SATB2: variants seen among roughly 807,000 people sequenced by gnomAD.
The protein encoded by SATB2 is SATB homeobox 2.
SATB2 carries 1 observed loss-of-function variant against 73.4 expected under a neutral mutation model. The ratio of observed to expected loss-of-function variants is 0.01; its 90% CI spans 0.00 to 0.06. SATB2 has a LOEUF of 0.06. Among genes scored for constraint, SATB2 ranks in the 10% least tolerant of loss-of-function variants. SATB2 has a pLI of 1.00. For missense variants in SATB2, 459 were observed against 945.8 expected (o/e 0.49, Z 6.75); for synonymous variants, 397 against 367.0 (o/e 1.08, Z -0.93).
chr2:199,316,600 A>G (rs1241485660), intron 9 of SATB2, among the ~76,000 whole-genome samples: 1 of 152,066 alleles, frequency 6.6e-6, no homozygotes, highest in Admixed American at 6.5e-5. Context: ...ATATGTCTGT[A>G]AAGATTGAGT....
upstream of SATB2, among the ~76,000 whole-genome samples, chr2:199,459,490 G>A (rs1295767255): frequency 6.6e-6 from 1 of 152,200 alleles, no homozygotes; most frequent in African/African-American, 2.4e-5. This position sits in a 1 kb window ranked among gnomAD's most constrained non-coding sequence, Gnocchi z 4.2. Flanking sequence ...GCCCCCGCGA[G>A]ATACCCGGGG....
chr2:199,341,118 T>C (rs1433271603), intron 7 of SATB2, among the ~76,000 whole-genome samples: 1 of 152,210 alleles, frequency 6.6e-6, no homozygotes, highest in Non-Finnish European at 1.5e-5. Context: ...CCTGATTAAT[T>C]TTTTAAAGTC....
At chr2:199,438,699 T>C (rs1260395463) in intron 2 of SATB2, among the ~76,000 whole-genome samples, 1 of 152,202 alleles carries the variant, frequency 6.6e-6, no homozygotes. Context: ...GGTGACAGGA[T>C]TCAATGGGCT....
intron 2 of SATB2, among the ~76,000 whole-genome samples, chr2:199,450,562 G>T (rs1305022752): frequency 6.6e-6 from 1 of 151,958 alleles, no homozygotes; most frequent in East Asian, 1.9e-4. Context: ...TGGGTTCTTA[G>T]TCATAAGAAA....
intron 5 of SATB2, among the ~76,000 whole-genome samples, chr2:199,377,411 A>C (rs937724778): frequency 1.2e-4 from 18 of 152,076 alleles, no homozygotes; most frequent in African/African-American, 4.3e-4. Context: ...AAAAACAACA[A>C]AACAGGTATA....
chr2:199,455,732 C>G lies in SATB2; in HGVS notation c.169+137G>C, dbSNP rs1574645105. On this transcript the variant is annotated intron_variant, in intron 2 of 10. Transcript: ENST00000417098. This position sits in a 1 kb window ranked among gnomAD's most constrained non-coding sequence, Gnocchi z 4.1. The stretch of plus-strand genomic sequence containing the variant: ...GCTACCAGTTGCAGATGAGAGGCGA[C>G]GGGGGCATTATTTGGCAACCTGGAA... The G allele has an allele frequency of 3.0e-5, 28 of 947,132 alleles. No homozygotes were observed. The East Asian group carries it at 7.1e-4, about 24-fold the overall frequency. 58.7% of individuals were successfully genotyped at this position (947,132 alleles called of 1,614,324 possible).
chr2:199,405,679 T>C (rs1433580380), intron 3 of SATB2, among the ~76,000 whole-genome samples: 1 of 152,124 alleles, frequency 6.6e-6, no homozygotes. Flanking sequence ...CCTTCACACA[T>C]ATAACTGTAA....
At chr2:199,446,331 A>G (rs1574636843) in intron 2 of SATB2, among the ~76,000 whole-genome samples, 3 of 152,358 alleles carry the variant, frequency 2.0e-5, no homozygotes, top group East Asian at 3.9e-4. Flanking sequence ...TGTTAATACC[A>G]AAGCACTATT....
intron 3 of SATB2, among the ~76,000 whole-genome samples, chr2:199,419,040 C>A (rs757692201): frequency 6.6e-6 from 1 of 152,222 alleles, no homozygotes; most frequent in Non-Finnish European, 1.5e-5. Context: ...CTCTCCCACA[C>A]AGACAACCAT....
chr2:199,308,767 G>A lies in SATB2; in HGVS notation c.1733C>T (p.Pro578Leu), dbSNP rs1160832366. 4 of 1,614,004 alleles carry A rather than the reference G, an allele frequency of 2.5e-6. No individual in the cohort carries two copies. The highest frequency in any genetic ancestry group is 3.4e-6 in the Non-Finnish European group (4 of 1,179,934). ...GCGGTCGGGGACACTGACCTGCACCGGCTCAGGGGGAAGCTGGACCACGTG... is the reference window on the plus strand; with the variant it reads ...GCGGTCGGGGACACTGACCTGCACCAGCTCAGGGGGAAGCTGGACCACGTG... ...MQHVVQLPPE[P>L]VQVLHRQQSQ... Residue 578 changes from proline to leucine, a missense_variant, in exon 10 of 11, where the codon CCG becomes CTG. Physicochemically the swap from Pro to Leu is moderately conservative, Grantham distance 98. Transcript: ENST00000417098. The surrounding 1 kb of genome is among the most constrained non-coding windows in gnomAD (Gnocchi z 4.6).
At chr2:199,430,521 G>T (rs1691470157) in intron 3 of SATB2, among the ~76,000 whole-genome samples, 1 of 152,162 alleles carries the variant, frequency 6.6e-6, no homozygotes, top group Non-Finnish European at 1.5e-5. Context: ...TTATGGGTCA[G>T]CTAGAAACAC....
chr2:199,377,693 G>C (rs1689645290), intron 5 of SATB2, among the ~76,000 whole-genome samples: 1 of 152,240 alleles, frequency 6.6e-6, no homozygotes, highest in East Asian at 1.9e-4. Context: ...GGGTGGGTAG[G>C]GGGAGTGACT....
intron 8 of SATB2, among the ~76,000 whole-genome samples, chr2:199,324,578 T>C (rs1463263115): frequency 6.6e-6 from 1 of 152,182 alleles, no homozygotes; most frequent in Non-Finnish European, 1.5e-5. Flanking sequence ...TGTGCCGTTT[T>C]CATTTTCTTA....
In SATB2 at chr2:199,455,980, T is replaced by G; in HGVS notation, c.58A>C (p.Ser20Arg). 1 of 1,539,820 alleles carries G rather than the reference T, an allele frequency of 6.5e-7. No individual in the cohort carries two copies. The highest frequency in any genetic ancestry group is 8.7e-7 in the Non-Finnish European group (1 of 1,147,800). ...GGGGGAGGCCCCTTGACGTCCGGGC[T>G]GCCGCTCCGCCGGTCGGGGCTGTCC... ...LRDSPDRRSG[S>R]PDVKGPPPVK... is the part of the protein sequence containing the mutation. The change falls in exon 2 of 11, where the codon AGC becomes CGC. Residue 20 changes from serine (S) to arginine (R), a missense_variant. Around this residue, in one of 13 missense-constraint regions of SATB2, gnomAD observed 74 missense variants for 113.3 expected, o/e 0.65. Transcript: ENST00000417098. The surrounding 1 kb of genome is among the most constrained non-coding windows in gnomAD (Gnocchi z 4.1).
intron 3 of SATB2, among the ~76,000 whole-genome samples, chr2:199,384,750 C>G (rs1689878171): frequency 6.6e-6 from 1 of 152,138 alleles, no homozygotes. Context: ...ATACCTCAAT[C>G]CTCTCATCTG....
chr2:199,402,603 T>A (rs781177418), intron 3 of SATB2, among the ~76,000 whole-genome samples: 1 of 152,226 alleles, frequency 6.6e-6, no homozygotes, highest in Non-Finnish European at 1.5e-5. Context: ...ACTGAGATCC[T>A]TGGCATTAAA....
At chr2:199,340,601 A>G (rs1688475992) in intron 7 of SATB2, among the ~76,000 whole-genome samples, 1 of 152,226 alleles carries the variant, frequency 6.6e-6, no homozygotes, top group South Asian at 2.1e-4. Context: ...AGGCAGAAAA[A>G]AACCCCATAC....
At chr2:199,302,310 A>C (rs1687309342) in intron 10 of SATB2, among the ~76,000 whole-genome samples, 1 of 152,208 alleles carries the variant, frequency 6.6e-6, no homozygotes, top group Admixed American at 6.5e-5. Context: ...TAGAGTAAAA[A>C]GAATTGATAA....
In SATB2 at chr2:199,272,126, AAAAC is replaced by A. The variant is rs1368509469; in HGVS notation, c.*81_*84del. On this transcript the variant is annotated 3_prime_UTR_variant, in exon 11 of 11. Coordinates refer to ENST00000417098, the MANE Select transcript of SATB2 (RefSeq NM_001172509.2). The surrounding 1 kb of genome is among the most constrained non-coding windows in gnomAD (Gnocchi z 6.7). ...CAAAAAAACCCAAAAACAAAAACAA[AAAAC>A]AAACTAACAAAAAACTTTTAAAGAA... 4.3e-6 allele frequency: 6 copies of A among 1,400,182 alleles called. No individual in the cohort carries two copies. Among genetic ancestry groups the A allele is most frequent in the Non-Finnish European group, 6.0e-6 (6 of 996,100 alleles). The allele number at this position is 1,400,182 out of a possible 1,614,324, so 86.7% of individuals were successfully genotyped here.
Sources: gnomAD v4.1 joint callset for allele counts (sites outside exome capture counted in the v4.1 genomes callset) on GRCh38, gnomAD v4.1.1 for gene constraint, gnomAD v4.1.1 regional missense constraint, Gnocchi (gnomAD v3.1) non-coding constraint, MANE v1.5 for transcripts, NCBI Gene and HGNC (gene_info 2026-07-23, HGNC 2026-07-21) for gene names.